The following ZNF469 variants were observed in gnomAD, a reference collection of about 807,000 sequenced individuals.
ZNF469 encodes zinc finger protein 469.
ZNF469 carries 1 observed loss-of-function variant against 1.0 expected under a neutral mutation model. The ratio of observed to expected loss-of-function variants is 1.00; its 90% CI spans 0.35 to 4.73. The LOEUF is 4.73. Ranked by LOEUF, ZNF469 falls within the 30% of genes most tolerant of loss-of-function variation. The pLI is 0.16. For missense variants in ZNF469, 6,100 were observed against 5,356.3 expected (o/e 1.14, Z -4.33); for synonymous variants, 2,703 against 2,363.4 (o/e 1.14, Z -4.17).
At chr16:88,102,980 C>T in the ZNF469 span, among the ~76,000 whole-genome samples, 7 of 152,390 alleles carry the variant, frequency 4.6e-5, no homozygotes, top group Non-Finnish European at 1.0e-4. Flanking sequence ...GAATCGCTCT[C>T]CTCCAACTCT....
Position 88,435,208 on chromosome 16 carries a change from G to C in ZNF469, c.7738G>C (p.Glu2580Gln). The change falls in exon 3 of 3, where the codon GAG becomes CAG. Residue 2580 changes from glutamate to glutamine, a missense_variant. By Grantham distance (29) the Glu-to-Gln change is conservative (BLOSUM62 2). Coordinates refer to ENST00000565624, the MANE Select transcript of ZNF469 (RefSeq NM_001367624.2). ...SQQLHPPSPT[E>Q]HEVDVKTPAS... ...GCAGCTGCACCCTCCAAGCCCTACTGAGCATGAGGTAGATGTGAAGACTCC... is the reference window on the plus strand; with the variant it reads ...GCAGCTGCACCCTCCAAGCCCTACTCAGCATGAGGTAGATGTGAAGACTCC... 1 of 1,550,368 alleles carries C rather than the reference G, an allele frequency of 6.5e-7. No homozygotes were observed. The highest frequency in any genetic ancestry group is 8.7e-7 in the Non-Finnish European group (1 of 1,146,982).
intron 1 of ZNF469, among the ~76,000 whole-genome samples, chr16:88,417,527 G>A (rs1200901605): frequency 6.6e-6 from 1 of 152,176 alleles, no homozygotes; most frequent in Admixed American, 6.5e-5. Context: ...TGGGGCCAAT[G>A]AATCCCAATC....
chr16:88,231,697 C>A, the ZNF469 span, among the ~76,000 whole-genome samples: 1 of 152,332 alleles, frequency 6.6e-6, no homozygotes, highest in African/African-American at 2.4e-5. The surrounding 1 kb of genome is among the most constrained non-coding windows in gnomAD (Gnocchi z 4.5). Context: ...ACACCTCCTC[C>A]TCCTGTGAGC....
chr16:88,410,672 A>G (rs1905132790), intron 1 of ZNF469, among the ~76,000 whole-genome samples: 1 of 148,184 alleles, frequency 6.7e-6, no homozygotes, highest in African/African-American at 2.5e-5. Context: ...TCACGTGGTC[A>G]TGGAGAAGTT....
chr16:88,363,128 A>G, the ZNF469 span, among the ~76,000 whole-genome samples: 2 of 152,172 alleles, frequency 1.3e-5, no homozygotes, highest in Non-Finnish European at 2.9e-5. Flanking sequence ...TTTCCTTTAC[A>G]ACCTTGAGCC....
At position 88,435,476 on chromosome 16, in the gene ZNF469, C is replaced by T. The variant is rs1416101615; in HGVS notation, c.8006C>T (p.Ala2669Val). ...GRGSRPSPAM[A>V]SYAASPSHCL... ...GGCTCCAGACCATCCCCTGCAATGG[C>T]CAGTTACGCAGCCTCTCCGAGCCAC... is the stretch of plus-strand genomic sequence containing the variant. The change falls in exon 3 of 3, where the codon GCC becomes GTC. Residue 2669 changes from alanine (A) to valine (V), a missense_variant. Transcript: ENST00000565624. 1.3e-6 allele frequency: 2 copies of T among 1,549,302 alleles called. No individual in the cohort carries two copies. The highest frequency in any genetic ancestry group is 1.7e-6 in the Non-Finnish European group (2 of 1,146,990).
the ZNF469 span, among the ~76,000 whole-genome samples, chr16:88,308,849 G>C: frequency 6.6e-6 from 1 of 152,176 alleles, no homozygotes; most frequent in Non-Finnish European, 1.5e-5. Flanking sequence ...CTTCCATTGT[G>C]GGGAGCAGGA....
chr16:88,163,575 T>C, the ZNF469 span, among the ~76,000 whole-genome samples: 5 of 147,554 alleles, frequency 3.4e-5, no homozygotes, highest in African/African-American at 1.0e-4. Context: ...AGTGGATGAA[T>C]AGTAGGGTAG....
chr16:88,261,770 T>C, the ZNF469 span, among the ~76,000 whole-genome samples: 14 of 152,134 alleles, frequency 9.2e-5, no homozygotes, highest in African/African-American at 3.4e-4. This position sits in a 1 kb window ranked among gnomAD's most constrained non-coding sequence, Gnocchi z 6.0. Context: ...CCCCTTCCCG[T>C]GGCTGTGGGG....
the ZNF469 span, among the ~76,000 whole-genome samples, chr16:88,214,611 C>T: frequency 5.9e-5 from 9 of 152,040 alleles, no homozygotes; most frequent in Non-Finnish European, 1.2e-4. Flanking sequence ...CCCATCAACC[C>T]GTCATCTACA....
At chr16:88,158,608 GC>G in the ZNF469 span, among the ~76,000 whole-genome samples, 1 of 152,242 alleles carries the variant, frequency 6.6e-6, no homozygotes, top group African/African-American at 2.4e-5. Context: ...CCTGGCTGAA[GC>G]CCACTCTCAG....
rs1198733368 is a variant in ZNF469 at position 88,437,010 on chromosome 16, C to T, written c.9540C>T (p.Cys3180=). Residue 3180 remains cysteine (C), a synonymous_variant, in exon 3 of 3, where the codon TGC becomes TGT. Transcript: ENST00000565624. ...CCGGGCCCTGGGCGTGCGGCATGTG[C>T]CTGAAGGAGGTGGCCGACGTCTGGA... ...SKAGPWACGM[C]LKEVADVWMY... The T allele has an allele frequency of 1.4e-5, 21 of 1,525,868 alleles. No individual in the cohort carries two copies. Among genetic ancestry groups the T allele is most frequent in the Non-Finnish European group, 1.8e-5 (20 of 1,139,104 alleles). 94.5% of individuals were successfully genotyped at this position (1,525,868 alleles called of 1,614,324 possible). A position where few individuals can be genotyped will look rare whatever the true frequency, so the allele number is the denominator to read the frequency against.
rs954558070 is a variant in ZNF469, at chr16:88,430,176, A to G, written c.2706A>G (p.Pro902=). The change falls in exon 3 of 3, where the codon CCA becomes CCG. Residue 902 remains proline (P), a synonymous_variant. Coordinates refer to ENST00000565624, the MANE Select transcript of ZNF469 (RefSeq NM_001367624.2). ...AGAGCAAAGCTCCGCCCCCGCTCCC[A>G]GCAGCCACGCCGGACCCCCAAACCC... ...TPESKAPPPL[P]AATPDPQTPR... 6.5e-7 allele frequency: 1 copy of G among 1,548,482 alleles called. No individual in the cohort carries two copies. The highest frequency in any genetic ancestry group is 8.7e-7 in the Non-Finnish European group (1 of 1,145,740).
the ZNF469 span, among the ~76,000 whole-genome samples, chr16:88,314,628 A>T: frequency 6.6e-6 from 1 of 150,488 alleles, no homozygotes; most frequent in Non-Finnish European, 1.5e-5. Flanking sequence ...GCTGGTGTGG[A>T]CTGTCATCTC....
At position 88,434,773 on chromosome 16, in the gene ZNF469, C is replaced by A; in HGVS notation, c.7303C>A (p.Gln2435Lys). Reference protein sequence around the residue: ...SHRNASHQTPQGDPLGPQDLK... With the variant: ...SHRNASHQTPKGDPLGPQDLK... ...CAGAAATGCCTCCCACCAGACTCCCCAGGGGGACCCCCTCGGCCCCCAAGA... is the reference window on the plus strand; with the variant it reads ...CAGAAATGCCTCCCACCAGACTCCCAAGGGGGACCCCCTCGGCCCCCAAGA... Residue 2435 changes from glutamine (Q) to lysine (K), a missense_variant, in exon 3 of 3, where the codon CAG becomes AAG. Coordinates refer to ENST00000565624, the MANE Select transcript of ZNF469 (RefSeq NM_001367624.2). The A allele has an allele frequency of 6.5e-7, 1 of 1,550,380 alleles. No individual in the cohort carries two copies. The highest frequency in any genetic ancestry group is 8.7e-7 in the Non-Finnish European group (1 of 1,146,958).
the ZNF469 span, among the ~76,000 whole-genome samples, chr16:88,349,164 C>T: frequency 2.0e-5 from 3 of 152,166 alleles, no homozygotes; most frequent in African/African-American, 7.2e-5. Context: ...ACCAGCACCT[C>T]GGTTCCAGAC....
chr16:88,232,504 GCATCTTTCCTC>G, the ZNF469 span, among the ~76,000 whole-genome samples: 1 of 152,278 alleles, frequency 6.6e-6, no homozygotes. Context: ...AGAAACCCCA[GCATCTTTCCTC>G]CATCCTGATT....
the ZNF469 span, among the ~76,000 whole-genome samples, chr16:88,240,221 T>C: frequency 2.5e-3 from 379 of 152,338 alleles, 1 homozygote; most frequent in African/African-American, 8.6e-3. Flanking sequence ...AGGACGTGTC[T>C]TCTCACACGG....
the ZNF469 span, among the ~76,000 whole-genome samples, chr16:88,291,724 G>C: frequency 6.6e-6 from 1 of 152,052 alleles, no homozygotes; most frequent in Non-Finnish European, 1.5e-5. Context: ...TGGTGGTCTC[G>C]GTGAATATCA....
Sources: gnomAD v4.1 joint callset for allele counts (sites outside exome capture counted in the v4.1 genomes callset) on GRCh38, gnomAD v4.1.1 for gene constraint, Gnocchi (gnomAD v3.1) non-coding constraint, MANE v1.5 for transcripts, NCBI Gene and HGNC (gene_info 2026-07-23, HGNC 2026-07-21) for gene names.